Variants in KIF18B observed in about 807,000 individuals in gnomAD.
The protein encoded by KIF18B is kinesin family member 18B.
KIF18B carries 49 observed loss-of-function variants against 80.9 expected under a neutral mutation model. That is an observed-to-expected ratio of 0.61 (90% confidence interval 0.48 to 0.77). The LOEUF is 0.77. Ranked by LOEUF, KIF18B falls within the 30% of genes least tolerant of loss-of-function variation. The pLI, the probability that KIF18B is intolerant of heterozygous loss-of-function variation, is 0.00. For missense variants in KIF18B, 994 were observed against 1,127.7 expected (o/e 0.88, Z 1.70); for synonymous variants, 439 against 463.9 (o/e 0.95, Z 0.69).
chr17:44,926,902 C>G (rs774650678), intron 14 of KIF18B, 87 bp downstream of exon 14: 1 of 1,167,634 alleles, frequency 8.6e-7, no homozygotes, highest in Non-Finnish European at 1.2e-6. Context: ...GACAGAGACA[C>G]TGGGGGCCCA....
intron 10 of KIF18B, 114 bp from the exon 11 acceptor site, chr17:44,931,843 G>T: frequency 1.4e-6 from 2 of 1,399,118 alleles, no homozygotes; most frequent in Admixed American, 2.1e-5. Context: ...CTCCTAGAAT[G>T]ACCAGGTCCT....
rs1170654518 is a variant in KIF18B at position 44,928,842 on chromosome 17, G to A, written c.1700C>T (p.Ala567Val). 6.2e-7 allele frequency: 1 copy of A among 1,613,744 alleles called. No homozygotes were observed. ...TSGLARGAPL[A>V]QELCSESIPV... ...ACTTGACTCTGAACACAGCTCCTGA[G>A]CCAGAGGTGCCCCCCTGGCCAGGCC... Residue 567 changes from alanine (A) to valine (V), a missense_variant, in exon 12 of 16, where the codon GCT (alanine) becomes GTT (valine). By Grantham distance (64) the Ala-to-Val change is moderately conservative (BLOSUM62 0). Coordinates refer to ENST00000593135, the MANE Select transcript of KIF18B (RefSeq NM_001265577.2).
At chr17:44,931,172 C>G (rs1294064908) in intron 11 of KIF18B, among the ~76,000 whole-genome samples, 1 of 152,198 alleles carries the variant, frequency 6.6e-6, no homozygotes, top group Admixed American at 6.5e-5. Context: ...GAAAAAATAG[C>G]CGCAATCAAT....
intron 11 of KIF18B, 120 bp downstream of exon 11, chr17:44,931,482 G>A: frequency 1.5e-6 from 2 of 1,310,244 alleles, no homozygotes; most frequent in Non-Finnish European, 2.2e-6. Context: ...ACCAGGTAAA[G>A]GACAGTGCTG....
At chr17:44,935,886 G>C (rs2052277344) in intron 2 of KIF18B, 146 bp downstream of exon 2, 1 of 713,944 alleles carries the variant, frequency 1.4e-6, no homozygotes, top group African/African-American at 1.8e-5. Context: ...GTGTCCCACA[G>C]AGCATGATGG....
At chr17:44,930,908 C>T (rs1362889153) in intron 11 of KIF18B, among the ~76,000 whole-genome samples, 2 of 152,114 alleles carry the variant, frequency 1.3e-5, no homozygotes, top group Admixed American at 6.5e-5. Context: ...TTTGCTGAGT[C>T]GGGAACAGAC....
chr17:44,936,620 ATATATTTTTTTTTTTTTT>A (rs1463310612), intron 1 of KIF18B, among the ~76,000 whole-genome samples: 57 of 60,156 alleles, frequency 9.5e-4, no homozygotes, highest in African/African-American at 2.4e-3. Context: ...ATATATATAT[ATATATTTTTTTTTTTTTT>A]TTTTTTTTTT....
chr17:44,930,182 A>G (rs117798487), intron 11 of KIF18B, among the ~76,000 whole-genome samples: 1,848 of 152,352 alleles, frequency 0.012, 18 homozygotes, highest in Non-Finnish European at 0.016. Flanking sequence ...CACGGGCCAC[A>G]CATTACAAGG....
At chr17:44,941,289 G>A (rs4793165) in intron 1 of KIF18B, among the ~76,000 whole-genome samples, 97,327 of 151,174 alleles carry the variant, frequency 0.64, 32,524 homozygotes, top group African/African-American at 0.85. Context: ...TGGAATTAGC[G>A]TTCTGTATTC....
intron 1 of KIF18B, among the ~76,000 whole-genome samples, chr17:44,939,248 G>A (rs1426444957): frequency 6.7e-6 from 1 of 149,988 alleles, no homozygotes; most frequent in African/African-American, 2.4e-5. Context: ...GCGGGCGCCT[G>A]TAATCGCAGC....
rs765329301 is a variant in KIF18B, at chr17:44,934,260, G to A, written c.858C>T (p.Asn286=). 9 of 1,612,758 alleles carry A rather than the reference G, an allele frequency of 5.6e-6. No homozygotes were observed. The highest frequency in any genetic ancestry group is 4.5e-5 in the East Asian group (2 of 44,852). Residue 286 remains asparagine (N), a synonymous_variant, in exon 6 of 16, where the codon AAC becomes AAT. Coordinates refer to ENST00000593135, the MANE Select transcript of KIF18B (RefSeq NM_001265577.2). The surrounding 1 kb of genome is among the most constrained non-coding windows in gnomAD (Gnocchi z 5.4). ...TTGCATCGGCCAAGGCATTGAGGAC[G>A]TTGATGAGCGCCAGCAGAGAGCGGT... The part of the protein sequence containing the change: ...NINRSLLALI[N]VLNALADAKG...
At position 44,932,741 on chromosome 17, in the gene KIF18B, A is replaced by G. The variant is rs1261499190; in HGVS notation, c.1170T>C (p.Tyr390=). Reference sequence around the variant, plus strand: ...GTGGTGGGGGCTGGCCTCCCCCCTCATACACTTGGAGCTTCTTCCTCAGAG... The same window carrying G: ...GTGGTGGGGGCTGGCCTCCCCCCTCGTACACTTGGAGCTTCTTCCTCAGAG... ...VAALRKKLQV[Y]EGGGQPPPQD... is the part of the protein sequence containing the mutation. Residue 390 remains tyrosine, a synonymous_variant, in exon 9 of 16, where the codon TAT becomes TAC. Coordinates refer to ENST00000593135, the MANE Select transcript of KIF18B (RefSeq NM_001265577.2). 3 of 1,613,264 alleles carry G rather than the reference A, an allele frequency of 1.9e-6. No individual in the cohort carries two copies. The highest frequency in any genetic ancestry group is 2.5e-6 in the Non-Finnish European group (3 of 1,179,720).
intron 1 of KIF18B, among the ~76,000 whole-genome samples, chr17:44,943,293 G>C (rs2052452991): frequency 6.6e-6 from 1 of 151,882 alleles, no homozygotes; most frequent in Non-Finnish European, 1.5e-5. Context: ...GTAGAGGCGG[G>C]GTTTCACCGT....
At chr17:44,931,000 G>A (rs1265834847) in intron 11 of KIF18B, among the ~76,000 whole-genome samples, 1 of 152,220 alleles carries the variant, frequency 6.6e-6, no homozygotes, top group African/African-American at 2.4e-5. Flanking sequence ...GCGTGCTGGG[G>A]AGGGAAGAGC....
chr17:44,941,299 C>T (rs2145738471), intron 1 of KIF18B, among the ~76,000 whole-genome samples: 1 of 150,970 alleles, frequency 6.6e-6, no homozygotes, highest in Admixed American at 6.6e-5. Flanking sequence ...GTTCTGTATT[C>T]TACACTTTCA....
chr17:44,931,930 T>A, intron 10 of KIF18B, 126 bp downstream of exon 10: 1 of 1,214,758 alleles, frequency 8.2e-7, no homozygotes, highest in Non-Finnish European at 1.1e-6. Flanking sequence ...TCCTAATGAC[T>A]AAGGTGCAAG....
At position 44,932,740 on chromosome 17, in the gene KIF18B, C is replaced by T. The variant is rs1241485800; in HGVS notation, c.1171G>A (p.Glu391Lys). 1 of 1,613,390 alleles carries T rather than the reference C, an allele frequency of 6.2e-7. No individual in the cohort carries two copies. Among genetic ancestry groups the T allele is most frequent in the African/African-American group, 1.3e-5 (1 of 75,004 alleles). Reference sequence around the variant, plus strand: ...TGTGGTGGGGGCTGGCCTCCCCCCTCATACACTTGGAGCTTCTTCCTCAGA... The same window carrying T: ...TGTGGTGGGGGCTGGCCTCCCCCCTTATACACTTGGAGCTTCTTCCTCAGA... ...AALRKKLQVYEGGGQPPPQDL... is the reference protein window; with the variant it reads ...AALRKKLQVYKGGGQPPPQDL... The change falls in exon 9 of 16, where the codon GAG (glutamate) becomes AAG (lysine). Residue 391 changes from glutamate to lysine, a missense_variant. Physicochemically the swap from Glu to Lys is moderately conservative, Grantham distance 56 (BLOSUM62 1). Transcript: ENST00000593135.
chr17:44,930,237 A>G (rs1410469822), intron 11 of KIF18B, among the ~76,000 whole-genome samples: 2 of 152,244 alleles, frequency 1.3e-5, no homozygotes, highest in Non-Finnish European at 2.9e-5. Context: ...GGAAATATCC[A>G]GGCTCTGGCC....
At chr17:44,931,967 G>A in intron 10 of KIF18B, 89 bp downstream of exon 10, 1 of 1,405,234 alleles carries the variant, frequency 7.1e-7, no homozygotes, top group Non-Finnish European at 9.7e-7. Flanking sequence ...GGGACTAAAG[G>A]GACTCTGAGT....
Sources: allele counts gnomAD v4.1 joint callset (sites outside exome capture counted in the v4.1 genomes callset), GRCh38; gene constraint gnomAD v4.1.1; non-coding constraint Gnocchi (gnomAD v3.1); transcripts MANE v1.5; gene names NCBI Gene and HGNC (gene_info 2026-07-23, HGNC 2026-07-21).